The following ZSCAN10 variants were observed in gnomAD, a reference collection of about 807,000 sequenced individuals.
The protein encoded by ZSCAN10 is zinc finger and SCAN domain containing 10.
ZSCAN10 carries 52 observed loss-of-function variants against 63.7 expected under a neutral mutation model. That is an observed-to-expected ratio of 0.82 (90% CI 0.65 to 1.03). ZSCAN10 has a LOEUF of 1.03. Ranked by LOEUF, ZSCAN10 falls within the 50% of genes least tolerant of loss-of-function variation. The probability of loss-of-function intolerance (pLI) is 0.00; values close to 1 mark genes in which losing one functional copy is unlikely to be tolerated. For synonymous variants in ZSCAN10, 544 were observed against 479.6 expected, an observed-to-expected ratio of 1.13 and a Z score of -1.76; for missense variants, 1,223 against 1,103.8, an observed-to-expected ratio of 1.11 and a Z score of -1.53.
intron 1 of ZSCAN10, among the ~76,000 whole-genome samples, chr16:3,095,014 C>T (rs1957136111): frequency 6.6e-6 from 1 of 151,674 alleles, no homozygotes; most frequent in Non-Finnish European, 1.5e-5. Context: ...GGAGAAGGGG[C>T]CTGATATATG....
intron 1 of ZSCAN10, among the ~76,000 whole-genome samples, chr16:3,096,288 G>A (rs1446376944): frequency 6.6e-6 from 1 of 152,186 alleles, no homozygotes; most frequent in East Asian, 1.9e-4. Context: ...TCATTTTATA[G>A]ACATGGAAAT....
rs1400460123 is a variant in ZSCAN10, at chr16:3,096,144, CG to C, written c.-68+3045del. ...TACCCATGGGGAACCTCCGAAATTT[CG>C]GCCCCACCCACAGGGGACTCAGTTC... On this transcript the variant is annotated intron_variant, in intron 1 of 5. Coordinates refer to ENST00000576985, the MANE Select transcript of ZSCAN10 (RefSeq NM_032805.3). Among the ~76,000 whole-genome samples the C allele has an allele frequency of 2.0e-5, 3 of 152,350 alleles. No homozygotes were observed. The East Asian group carries it at 5.8e-4, about 29-fold the overall frequency.
Position 3,089,334 on chromosome 16 carries a change from C to A in ZSCAN10, c.2100G>T (p.Arg700=). Reference sequence around the variant, plus strand: ...GGTGCCGCCGCAGATGCGCGTTGCGCCGGAAGCTGCGACCGCACGTCTGAC... The same window carrying A: ...GGTGCCGCCGCAGATGCGCGTTGCGACGGAAGCTGCGACCGCACGTCTGAC... ...YSCQTCGRSF[R]RNAHLRRHLA... Residue 700 remains arginine, a synonymous_variant, in exon 6 of 6, where the codon CGG becomes CGT. Transcript: ENST00000576985. 6.3e-7 allele frequency: 1 copy of A among 1,587,822 alleles called. No homozygotes were observed. The highest frequency in any genetic ancestry group is 8.5e-7 in the Non-Finnish European group (1 of 1,172,958).
rs193038050 is a variant in ZSCAN10, at chr16:3,094,964, A to T, written c.-67-1960T>A. 4.2e-4 allele frequency among the ~76,000 whole-genome samples: 64 copies of T among 151,680 alleles called. No homozygotes were observed. The East Asian group carries it at 0.011, about 27-fold the overall frequency. Reference sequence around the variant, plus strand: ...AGATGAAAGTCTAGTCTTGTAATATATAGGAAATGGCTGAGTTCTTAGAAG... The same window carrying T: ...AGATGAAAGTCTAGTCTTGTAATATTTAGGAAATGGCTGAGTTCTTAGAAG... On this transcript the variant is annotated intron_variant, in intron 1 of 5. Transcript: ENST00000576985.
chr16:3,089,908 C>G lies in ZSCAN10; in HGVS notation c.1526G>C (p.Gly509Ala). The G allele has an allele frequency of 2.6e-6, 4 of 1,535,962 alleles. No homozygotes were observed. The highest frequency in any genetic ancestry group is 2.6e-6 in the Non-Finnish European group (3 of 1,145,546). The change falls in exon 6 of 6, where the codon GGC (glycine) becomes GCC (alanine). Residue 509 changes from glycine to alanine, a missense_variant. Gly to Ala is a moderately conservative substitution (Grantham distance 60, BLOSUM62 0). Transcript: ENST00000576985. ...GGAGTCCCGGCGGCGGCTGCCGGAGCCTTCGGAGGACCGGCGGTCCTTGTC... is the reference window on the plus strand; with the variant it reads ...GGAGTCCCGGCGGCGGCTGCCGGAGGCTTCGGAGGACCGGCGGTCCTTGTC... ...ARDKDRRSSE[G>A]SGSRRRDSDR...
chr16:3,095,235 G>C (rs1455857716), intron 1 of ZSCAN10, among the ~76,000 whole-genome samples: 1 of 151,724 alleles, frequency 6.6e-6, no homozygotes, highest in Non-Finnish European at 1.5e-5. Context: ...TAAAAATGTA[G>C]GGCAGGGTGT....
At chr16:3,095,319 C>A (rs1957139212) in intron 1 of ZSCAN10, among the ~76,000 whole-genome samples, 1 of 152,180 alleles carries the variant, frequency 6.6e-6, no homozygotes, top group South Asian at 2.1e-4. Flanking sequence ...AGATCGAGAC[C>A]ATCCTGTCTA....
In ZSCAN10 at chr16:3,089,082, CG is replaced by C. The variant is rs759695813; in HGVS notation, c.*8del. ...GGCGCAGGGCGCGGCTGGCGGAAGGCGGGCCAAGCTAGTACAGCGTCTCGCG... is the reference window on the plus strand; with the variant it reads ...GGCGCAGGGCGCGGCTGGCGGAAGGCGGCCAAGCTAGTACAGCGTCTCGCG... On this transcript the variant is annotated 3_prime_UTR_variant, in exon 6 of 6. Coordinates refer to ENST00000576985, the MANE Select transcript of ZSCAN10 (RefSeq NM_032805.3). 10 of 1,474,286 alleles carry C rather than the reference CG, an allele frequency of 6.8e-6. 1 individual carries two copies. In the South Asian group the frequency reaches 1.2e-4, roughly 18 times the overall value. 91.3% of individuals were successfully genotyped at this position (1,474,286 alleles called of 1,614,324 possible).
chr16:3,090,434 C>T lies in ZSCAN10; in HGVS notation c.1000G>A (p.Val334Met). 6.2e-7 allele frequency: 1 copy of T among 1,613,920 alleles called. No homozygotes were observed. Among genetic ancestry groups the T allele is most frequent in the Non-Finnish European group, 8.5e-7 (1 of 1,179,970 alleles). The change falls in exon 6 of 6, where the codon GTG (valine) becomes ATG (methionine). Residue 334 changes from valine to methionine, a missense_variant. Val to Met is a conservative substitution (Grantham distance 21, BLOSUM62 1). Transcript: ENST00000576985. Reference protein sequence around the residue: ...LGSSEILEVKVAEGVPEPNPE... With the variant: ...LGSSEILEVKMAEGVPEPNPE... ...TTGGGCTCGGGGACGCCCTCAGCCA[C>T]TTTGACCTCCAAAATTTCACTGCTG...
chr16:3,094,933 T>C lies in ZSCAN10; in HGVS notation c.-67-1929A>G, dbSNP rs1007463038. On this transcript the variant is annotated intron_variant, in intron 1 of 5. Coordinates refer to ENST00000576985, the MANE Select transcript of ZSCAN10 (RefSeq NM_032805.3). The stretch of plus-strand genomic sequence containing the variant: ...TAGATGATAACAGTATGACTACCCA[T>C]TTCTGAGATGAAAGTCTAGTCTTGT... Among the ~76,000 whole-genome samples the C allele has an allele frequency of 2.0e-5, 3 of 150,920 alleles. No homozygotes were observed. The Admixed American group carries it at 2.0e-4, about 10-fold the overall frequency.
intron 5 of ZSCAN10, among the ~76,000 whole-genome samples, chr16:3,090,899 A>G (rs1449000252): frequency 6.6e-6 from 1 of 151,852 alleles, no homozygotes; most frequent in Admixed American, 6.6e-5. Flanking sequence ...ACAAAAAAAA[A>G]AAAAAAAAAC....
Position 3,089,736 on chromosome 16 carries a change from G to A in ZSCAN10, c.1698C>T (p.Val566=), listed in dbSNP as rs774452074. ...GRSFTQSSQL[V]SHQRVHTGEK... ...CGCCCGTGTGCACCCGTTGGTGGCT[G>A]ACCAGCTGCGAGCTCTGCGTGAAGC... is the stretch of plus-strand genomic sequence containing the variant. Residue 566 remains valine (V), a synonymous_variant, in exon 6 of 6, where the codon GTC becomes GTT. Transcript: ENST00000576985. 6.2e-7 allele frequency: 1 copy of A among 1,601,578 alleles called. No individual in the cohort carries two copies. The highest frequency in any genetic ancestry group is 1.3e-5 in the African/African-American group (1 of 74,808).
At chr16:3,093,687 C>CTT (rs1169436067) in intron 1 of ZSCAN10, among the ~76,000 whole-genome samples, 2 of 46,630 alleles carry the variant, frequency 4.3e-5, no homozygotes, top group Non-Finnish European at 8.2e-5. Context: ...TTTTTTTTTT[C>CTT]TTTTTTTTTT....
Position 3,090,374 on chromosome 16 carries a change from C to A in ZSCAN10, c.1060G>T (p.Val354Leu). The A allele has an allele frequency of 6.2e-7, 1 of 1,613,188 alleles. No homozygotes were observed. The highest frequency in any genetic ancestry group is 8.5e-7 in the Non-Finnish European group (1 of 1,179,764). The change falls in exon 6 of 6, where the codon GTG becomes TTG. Residue 354 changes from valine (V) to leucine (L), a missense_variant. Physicochemically the swap from Val to Leu is conservative, Grantham distance 32 (BLOSUM62 1). Coordinates refer to ENST00000576985, the MANE Select transcript of ZSCAN10 (RefSeq NM_032805.3). ...ELQFICADCG[V>L]SFPQLSRLKA... ...AGGCGAGACAGCTGCGGGAAGCTCA[C>A]CCCGCAGTCCGCGCAGATGAACTGC...
chr16:3,093,318 G>A (rs892842424), intron 1 of ZSCAN10: 1 of 159,782 alleles, frequency 6.3e-6, no homozygotes, highest in African/African-American at 2.4e-5. Flanking sequence ...ACGAGGTCAG[G>A]ATATCGAGAC....
intron 5 of ZSCAN10, 78 bp downstream of exon 5, chr16:3,091,462 G>C: frequency 6.6e-7 from 1 of 1,508,898 alleles, no homozygotes; most frequent in Non-Finnish European, 9.2e-7. Flanking sequence ...GGGCAACATA[G>C]CGAGATTCCA....
rs551234458 is a variant in ZSCAN10, at chr16:3,098,115, A to G, written c.-68+1075T>C. On this transcript the variant is annotated intron_variant, in intron 1 of 5. Transcript: ENST00000576985. ...GAAAAAAAAAGAGTGGGGGAGGGGG[A>G]AGAAAATGGGATTACGTTTCACTGG... Among the ~76,000 whole-genome samples the G allele has an allele frequency of 8.6e-5, 13 of 151,500 alleles. No homozygotes were observed. In the South Asian group the frequency reaches 2.3e-3, roughly 27 times the overall value.
rs761819689 is a variant in ZSCAN10, at chr16:3,089,891, G to C, written c.1543C>G (p.Arg515Gly). ...RSSEGSGSRR[R>G]DSDRRPFVCS... ...ACGAAGGGCCTCCGGTCGGAGTCCC[G>C]GCGGCGGCTGCCGGAGCCTTCGGAG... The change falls in exon 6 of 6, where the codon CGG becomes GGG. Residue 515 changes from arginine to glycine, a missense_variant. Coordinates refer to ENST00000576985, the MANE Select transcript of ZSCAN10 (RefSeq NM_032805.3). The C allele has an allele frequency of 6.5e-7, 1 of 1,535,126 alleles. No individual in the cohort carries two copies. The highest frequency in any genetic ancestry group is 1.2e-5 in the South Asian group (1 of 84,394).
chr16:3,091,710 A>C (rs931061031), intron 4 of ZSCAN10, 54 bp downstream of exon 4: 32 of 1,597,158 alleles, frequency 2.0e-5, no homozygotes, highest in Non-Finnish European at 2.7e-5. Flanking sequence ...CTAAAACTAC[A>C]GGGTAGAGAA....
Sources: gnomAD v4.1 joint callset for allele counts (sites outside exome capture counted in the v4.1 genomes callset) on GRCh38, gnomAD v4.1.1 for gene constraint, MANE v1.5 for transcripts, NCBI Gene and HGNC (gene_info 2026-07-23, HGNC 2026-07-21) for gene names.